The following HACE1 variants were observed in gnomAD, a reference collection of about 807,000 sequenced individuals.
The protein encoded by HACE1 is HECT domain and ankyrin repeat containing E3 ubiquitin protein ligase 1.
Under a neutral mutation model 118.4 loss-of-function variants are expected in HACE1, and 73 were observed. The ratio of observed to expected loss-of-function variants is 0.62; its 90% CI spans 0.51 to 0.75. HACE1 has a LOEUF of 0.75. Among genes scored for constraint, HACE1 ranks in the 30% least tolerant of loss-of-function variants. The pLI, the probability that HACE1 is intolerant of heterozygous loss-of-function variation, is 0.00. For missense variants in HACE1, 749 were observed against 1,102.2 expected (o/e 0.68, Z 4.54); for synonymous variants, 368 against 374.8 (o/e 0.98, Z 0.21).
intron 6 of HACE1, among the ~76,000 whole-genome samples, chr6:104,818,481 C>A (rs985953454): frequency 6.6e-6 from 1 of 152,090 alleles, no homozygotes; most frequent in African/African-American, 2.4e-5. Flanking sequence ...TGCTACCATT[C>A]CCATTCAAAC....
At chr6:104,842,864 C>T (rs1389348298) in intron 5 of HACE1, among the ~76,000 whole-genome samples, 1 of 152,138 alleles carries the variant, frequency 6.6e-6, no homozygotes, top group African/African-American at 2.4e-5. Flanking sequence ...ATAATCCCAG[C>T]ACTTTGGGAG....
At chr6:104,792,833 A>G (rs907950414) in intron 10 of HACE1, among the ~76,000 whole-genome samples, 1 of 152,160 alleles carries the variant, frequency 6.6e-6, no homozygotes, top group African/African-American at 2.4e-5. Flanking sequence ...GCTGTGATCA[A>G]TCAAGCAGCT....
At chr6:104,789,044 A>G (rs1782721161) in intron 11 of HACE1, among the ~76,000 whole-genome samples, 1 of 152,168 alleles carries the variant, frequency 6.6e-6, no homozygotes. Context: ...TAAGAATTAA[A>G]ATGGTATTTC....
Position 104,777,326 on chromosome 6 carries a change from A to C in HACE1, c.1567-9T>G. On this transcript the variant is annotated splice_polypyrimidine_tract_variant and intron_variant, in intron 14 of 23. Transcript: ENST00000262903. ...CAGCGATCTTTAAAAGGCTAGCTCAAAAAATAAGAGTAAAATATGTTAGCA... is the reference window on the plus strand; with the variant it reads ...CAGCGATCTTTAAAAGGCTAGCTCACAAAATAAGAGTAAAATATGTTAGCA... 1.3e-6 allele frequency: 2 copies of C among 1,535,418 alleles called. No homozygotes were observed. The highest frequency in any genetic ancestry group is 2.2e-5 in the South Asian group (2 of 89,484).
chr6:104,766,023 T>A (rs1394413896), intron 19 of HACE1, among the ~76,000 whole-genome samples: 1 of 152,224 alleles, frequency 6.6e-6, no homozygotes, highest in African/African-American at 2.4e-5. Flanking sequence ...CCTGTCACTG[T>A]TACCCACAGG....
intron 6 of HACE1, among the ~76,000 whole-genome samples, chr6:104,816,073 CAA>C (rs60838357): frequency 6.6e-4 from 83 of 125,538 alleles, no homozygotes; most frequent in Admixed American, 3.7e-3. Context: ...AACTACAACT[CAA>C]AAAAAAAAAA....
chr6:104,791,971 C>A (rs1324784990), intron 10 of HACE1, among the ~76,000 whole-genome samples: 1 of 152,128 alleles, frequency 6.6e-6, no homozygotes. Context: ...TAAATTTTTA[C>A]TTTCAGAAGT....
chr6:104,834,726 C>A (rs371698801), intron 5 of HACE1, among the ~76,000 whole-genome samples: 107 of 152,298 alleles, frequency 7.0e-4, no homozygotes, highest in African/African-American at 2.3e-3. Context: ...TGTCAGAATG[C>A]TACACCAGTA....
At chr6:104,772,642 T>C (rs1198588732) in intron 17 of HACE1, among the ~76,000 whole-genome samples, 1 of 152,168 alleles carries the variant, frequency 6.6e-6, no homozygotes, top group East Asian at 1.9e-4. Context: ...GAAAATCACC[T>C]CAGTCCACAA....
intron 22 of HACE1, 53 bp from the exon 23 acceptor site, chr6:104,730,469 CA>C: frequency 1.1e-6 from 1 of 909,050 alleles, no homozygotes. Context: ...ATATTTGTGA[CA>C]GATAAATTTC....
intron 19 of HACE1, among the ~76,000 whole-genome samples, chr6:104,760,442 A>C (rs1332505899): frequency 6.6e-6 from 1 of 152,234 alleles, no homozygotes; most frequent in East Asian, 1.9e-4. Context: ...CCAACAGCAA[A>C]AACCACAATT....
At chr6:104,750,527 T>C in intron 19 of HACE1, 55 bp from the exon 20 acceptor site, 1 of 1,464,800 alleles carries the variant, frequency 6.8e-7, no homozygotes, top group African/African-American at 1.4e-5. Flanking sequence ...ACATACTTAA[T>C]GTTAATATAA....
Position 104,760,828 on chromosome 6 carries a change from T to C in HACE1, c.2212-10356A>G, listed in dbSNP as rs146178585. Among the ~76,000 whole-genome samples the C allele has an allele frequency of 3.5e-4, 54 of 152,336 alleles. No homozygotes were observed. In the East Asian group the frequency reaches 8.9e-3, roughly 25 times the overall value. ...GTCTCAGCGCAAAATCTCCTTAAGC[T>C]GATAAGCAACTTCAGCAAAGTCTCA... On this transcript the variant is annotated intron_variant, in intron 19 of 23. Transcript: ENST00000262903.
intron 1 of HACE1, among the ~76,000 whole-genome samples, chr6:104,858,743 A>C (rs562523482): frequency 6.6e-6 from 1 of 152,324 alleles, no homozygotes; most frequent in East Asian, 1.9e-4. Context: ...TTGGGCATAA[A>C]GAGCCAAAAG....
At chr6:104,731,867 T>C (rs1337242568) in intron 22 of HACE1, 2 of 92,114 alleles carry the variant, frequency 2.2e-5, no homozygotes, top group African/African-American at 6.2e-5. Context: ...AGAATTCCCA[T>C]AGAAAAAAAA....
rs1776580296 is a variant in HACE1 at position 104,855,020 on chromosome 6, T to C, written c.77-2649A>G. 2.0e-5 allele frequency among the ~76,000 whole-genome samples: 3 copies of C among 152,338 alleles called. No homozygotes were observed. In the South Asian group the frequency reaches 6.2e-4, roughly 32 times the overall value. On this transcript the variant is annotated intron_variant, in intron 1 of 23. Transcript: ENST00000262903. ...CTAAACACTTTGCATGTATCATTGC[T>C]TTTCTCCTCACAACCACCCTATGAA...
intron 7 of HACE1, among the ~76,000 whole-genome samples, chr6:104,801,919 TAA>T (rs1182203830): frequency 6.7e-6 from 1 of 148,770 alleles, no homozygotes; most frequent in Non-Finnish European, 1.5e-5. Flanking sequence ...GTAAACTGGA[TAA>T]AGAGTCAAGA....
chr6:104,847,800 G>T (rs1431962300), intron 4 of HACE1, among the ~76,000 whole-genome samples: 3 of 151,762 alleles, frequency 2.0e-5, no homozygotes, highest in Non-Finnish European at 4.4e-5. Context: ...CCATAGAGAA[G>T]TTTTTTGGGG....
At chr6:104,832,857 C>T (rs984926293) in intron 6 of HACE1, among the ~76,000 whole-genome samples, 185 bp downstream of exon 6, 1 of 152,032 alleles carries the variant, frequency 6.6e-6, no homozygotes, top group Admixed American at 6.6e-5. Context: ...TAGGATCCCA[C>T]CACTGCACTC....
Sources: allele counts gnomAD v4.1 joint callset (sites outside exome capture counted in the v4.1 genomes callset), GRCh38; gene constraint gnomAD v4.1.1; transcripts MANE v1.5; gene names NCBI Gene and HGNC (gene_info 2026-07-23, HGNC 2026-07-21).